The following NRXN1 variants were observed in gnomAD, a reference collection of about 807,000 sequenced individuals.
The protein encoded by NRXN1 is neurexin 1.
In NRXN1, 39 loss-of-function variants were observed where a neutral mutation model predicts 150.9. The ratio of observed to expected loss-of-function variants is 0.26; its 90% CI spans 0.20 to 0.34. The LOEUF (loss-of-function observed/expected upper bound fraction) is 0.34. Ranked by LOEUF, NRXN1 falls within the 10% of genes least tolerant of loss-of-function variation. NRXN1 has a pLI of 1.00. For missense variants in NRXN1, 1,815 were observed against 1,949.9 expected (o/e 0.93, Z 1.30); for synonymous variants, 924 against 757.0 (o/e 1.22, Z -3.62).
intron 15 of NRXN1, among the ~76,000 whole-genome samples, chr2:50,487,669 G>A (rs1334969202): frequency 2.0e-5 from 3 of 152,192 alleles, no homozygotes; most frequent in Non-Finnish European, 4.4e-5. Context: ...ACCCGGGATG[G>A]AAGCTGGCTT....
At chr2:50,996,914 A>G (rs1699385660) in intron 2 of NRXN1, among the ~76,000 whole-genome samples, 1 of 152,010 alleles carries the variant, frequency 6.6e-6, no homozygotes, top group African/African-American at 2.4e-5. Flanking sequence ...CACAGCCCAC[A>G]TGAGTGGGCT....
chr2:50,585,240 A>C (rs1672906326), intron 8 of NRXN1, among the ~76,000 whole-genome samples: 1 of 152,174 alleles, frequency 6.6e-6, no homozygotes, highest in South Asian at 2.1e-4. Context: ...GGGACAAAAA[A>C]ACCACTACCC....
chr2:50,432,740 T>C (rs1251008216), intron 17 of NRXN1, among the ~76,000 whole-genome samples: 1 of 152,206 alleles, frequency 6.6e-6, no homozygotes, highest in East Asian at 1.9e-4. Context: ...CTAATCTCCA[T>C]AACTCTACTG....
In NRXN1 at chr2:50,579,415, C is replaced by A. The variant is rs533277726; in HGVS notation, c.1321-26390G>T. 5.3e-5 allele frequency among the ~76,000 whole-genome samples: 8 copies of A among 152,312 alleles called. 1 individual carries two copies. The South Asian group carries it at 1.7e-3, about 32-fold the overall frequency. Reference sequence around the variant, plus strand: ...GTGGCTGATGCCCGTTATCCTGGTACTTCGGAAGGCCGAGGCAGGAGGATT... The same window carrying A: ...GTGGCTGATGCCCGTTATCCTGGTAATTCGGAAGGCCGAGGCAGGAGGATT... On this transcript the variant is annotated intron_variant, in intron 8 of 22. Coordinates refer to ENST00000401669, the MANE Select transcript of NRXN1 (RefSeq NM_001330078.2).
At chr2:50,806,379 AC>A (rs933325029) in intron 5 of NRXN1, among the ~76,000 whole-genome samples, 3 of 152,118 alleles carry the variant, frequency 2.0e-5, no homozygotes, top group African/African-American at 7.2e-5. Context: ...TTGTTAGTAA[AC>A]CCCATTATAA....
At chr2:50,116,255 T>A (rs186222384) in intron 18 of NRXN1, among the ~76,000 whole-genome samples, 98 of 152,178 alleles carry the variant, frequency 6.4e-4, no homozygotes, top group African/African-American at 2.2e-3. Flanking sequence ...CAGGCCCTAA[T>A]AAATGACTTT....
At chr2:50,171,259 G>C (rs188579161) in intron 18 of NRXN1, among the ~76,000 whole-genome samples, 58 of 152,048 alleles carry the variant, frequency 3.8e-4, no homozygotes, top group African/African-American at 1.4e-3. Flanking sequence ...GTGTGTTTGT[G>C]TGTGTAAGAG....
intron 2 of NRXN1, among the ~76,000 whole-genome samples, chr2:50,953,858 T>C (rs1047278517): frequency 6.6e-6 from 1 of 152,096 alleles, no homozygotes; most frequent in African/African-American, 2.4e-5. Context: ...ACCACGCCCA[T>C]TCTCAACTGA....
chr2:50,084,182 G>A (rs529880688), intron 19 of NRXN1, among the ~76,000 whole-genome samples: 16 of 152,320 alleles, frequency 1.1e-4, no homozygotes, highest in South Asian at 2.1e-4. Context: ...TTCACCCAGC[G>A]TATCCCACAC....
chr2:50,066,765 G>C (rs1321606470), intron 19 of NRXN1, among the ~76,000 whole-genome samples: 4 of 152,168 alleles, frequency 2.6e-5, no homozygotes, highest in African/African-American at 9.7e-5. Flanking sequence ...GCAAGAATTT[G>C]AGGGCAATGT....
chr2:50,001,985 T>C (rs1382462185), intron 21 of NRXN1, among the ~76,000 whole-genome samples: 1 of 152,006 alleles, frequency 6.6e-6, no homozygotes, highest in African/African-American at 2.4e-5. Flanking sequence ...GAGGGTCCTA[T>C]GGCAGGCAGC....
At chr2:50,408,868 T>TCTCTCTCTCTCTCTCTCTCC in intron 17 of NRXN1, among the ~76,000 whole-genome samples, 1 of 134,102 alleles carries the variant, frequency 7.5e-6, no homozygotes, top group Non-Finnish European at 1.5e-5. Flanking sequence ...TCTCTCTCTC[T>TCTCTCTCTCTCTCTCTCTCC]CTCTCTCATA....
At chr2:50,479,719 A>C (rs1420825424) in intron 15 of NRXN1, among the ~76,000 whole-genome samples, 2 of 149,810 alleles carry the variant, frequency 1.3e-5, no homozygotes, top group African/African-American at 4.9e-5. Context: ...GCAATAATGA[A>C]TTAAGTTAAT....
At chr2:50,436,312 G>T (rs2085426610) in intron 17 of NRXN1, among the ~76,000 whole-genome samples, 1 of 152,122 alleles carries the variant, frequency 6.6e-6, no homozygotes, top group African/African-American at 2.4e-5. Flanking sequence ...AATTAGCCAG[G>T]CGTGGTGGCA....
At chr2:50,737,967 C>T (rs1480845041) in intron 5 of NRXN1, among the ~76,000 whole-genome samples, 2 of 151,850 alleles carry the variant, frequency 1.3e-5, no homozygotes, top group East Asian at 3.9e-4. Flanking sequence ...ATCAAAGACA[C>T]AAAGGTTTAT....
chr2:50,571,913 T>C (rs1445197895), intron 8 of NRXN1, among the ~76,000 whole-genome samples: 1 of 151,972 alleles, frequency 6.6e-6, no homozygotes, highest in African/African-American at 2.4e-5. Context: ...AGTCAGAAAA[T>C]ACTGGTGTTG....
intron 5 of NRXN1, among the ~76,000 whole-genome samples, chr2:50,862,019 T>C (rs935790688): frequency 5.3e-5 from 8 of 151,646 alleles, no homozygotes; most frequent in Non-Finnish European, 1.0e-4. Context: ...CTGGCCAACA[T>C]GGTGAAACCC....
intron 22 of NRXN1, among the ~76,000 whole-genome samples, chr2:49,942,132 A>C (rs1460604362): frequency 2.6e-5 from 4 of 152,174 alleles, no homozygotes; most frequent in Non-Finnish European, 4.4e-5. Flanking sequence ...GCAGAGGCCA[A>C]TGAGCTGGGA....
At chr2:49,976,881 C>G (rs1679085761) in intron 21 of NRXN1, among the ~76,000 whole-genome samples, 1 of 152,130 alleles carries the variant, frequency 6.6e-6, no homozygotes, top group Non-Finnish European at 1.5e-5. Context: ...GCAAATTAAC[C>G]TCTTCAAGCC....
Sources: gnomAD v4.1 joint callset for allele counts (sites outside exome capture counted in the v4.1 genomes callset) on GRCh38, gnomAD v4.1.1 for gene constraint, MANE v1.5 for transcripts, NCBI Gene and HGNC (gene_info 2026-07-23, HGNC 2026-07-21) for gene names.